The following UBE3D variants were observed in gnomAD, a reference collection of about 807,000 sequenced individuals.
UBE3D encodes ubiquitin protein ligase E3D.
A neutral mutation model predicts 49.6 loss-of-function variants in UBE3D; 48 were observed. The observed-to-expected ratio is 0.97, with a 90% confidence interval of 0.77 to 1.23. The LOEUF is 1.23. Among genes scored for constraint, UBE3D ranks in the 50% most tolerant of loss-of-function variants. UBE3D has a pLI of 0.00. For synonymous variants in UBE3D, 189 were observed against 174.2 expected (o/e 1.08, Z -0.67); for missense variants, 452 against 468.4 (o/e 0.96, Z 0.32).
At chr6:83,048,269 G>T (rs1394923961) in intron 3 of UBE3D, among the ~76,000 whole-genome samples, 1 of 151,892 alleles carries the variant, frequency 6.6e-6, no homozygotes, top group Non-Finnish European at 1.5e-5. Context: ...GTAGGGACTT[G>T]GTACCTCAGG....
chr6:82,973,239 T>C (rs1176102925), intron 8 of UBE3D, among the ~76,000 whole-genome samples: 1 of 152,194 alleles, frequency 6.6e-6, no homozygotes, highest in East Asian at 1.9e-4. Context: ...ATTTGATTTG[T>C]ATGCACCTAG....
At chr6:82,901,781 G>T (rs972698832) in intron 9 of UBE3D, among the ~76,000 whole-genome samples, 2 of 152,176 alleles carry the variant, frequency 1.3e-5, no homozygotes, top group African/African-American at 4.8e-5. Context: ...AAGGGAGAAA[G>T]AAACAAATTA....
intron 9 of UBE3D, among the ~76,000 whole-genome samples, chr6:82,932,983 G>A (rs1036234211): frequency 3.3e-5 from 5 of 152,048 alleles, no homozygotes; most frequent in East Asian, 1.9e-4. Flanking sequence ...AGTATGAGAG[G>A]GGAAAACCTT....
chr6:82,989,232 A>ACC (rs1778720706), intron 8 of UBE3D, among the ~76,000 whole-genome samples: 1 of 151,680 alleles, frequency 6.6e-6, no homozygotes. Context: ...AGCATCATTA[A>ACC]CCCCTGCCTT....
intron 9 of UBE3D, among the ~76,000 whole-genome samples, chr6:82,900,113 T>A (rs52481): frequency 1.4e-4 from 21 of 152,222 alleles, no homozygotes; most frequent in Non-Finnish European, 2.9e-4. Flanking sequence ...ACAGTGGCAC[T>A]GCTGCAGCTT....
chr6:83,046,694 C>A (rs930404873), intron 3 of UBE3D, among the ~76,000 whole-genome samples: 1 of 137,592 alleles, frequency 7.3e-6, no homozygotes, highest in Admixed American at 7.4e-5. Flanking sequence ...GCGGTGGCAC[C>A]GGGGGAGCAG....
Position 83,022,556 on chromosome 6 carries a change from C to T in UBE3D, c.743G>A (p.Trp248Ter), listed in dbSNP as rs548942435. The change falls in exon 7 of 10, where the codon TGG becomes TAG. Residue 248 changes from tryptophan to a stop codon, truncating the protein, a stop_gained. Coordinates refer to ENST00000369747, the MANE Select transcript of UBE3D (RefSeq NM_198920.3). LOFTEE classifies it high-confidence loss of function. ...ERSFPIIPRS[W>*]FVQSVIAQCL... ...CTGGGCGATCACGCTCTGGACAAAC[C>T]AAGACCTGTTTGAACAGAAATCAAT... The T allele has an allele frequency of 5.1e-6, 8 of 1,574,676 alleles. No homozygotes were observed. The highest frequency in any genetic ancestry group is 1.2e-5 in the South Asian group (1 of 84,142).
At chr6:82,881,382 A>G in the UBE3D span, among the ~76,000 whole-genome samples, 2 of 152,158 alleles carry the variant, frequency 1.3e-5, no homozygotes, top group Non-Finnish European at 2.9e-5. Flanking sequence ...AACTAGAATA[A>G]GAGGACAGAG....
chr6:82,998,396 A>G (rs1040413075), intron 8 of UBE3D, among the ~76,000 whole-genome samples: 3 of 152,244 alleles, frequency 2.0e-5, no homozygotes, highest in African/African-American at 7.2e-5. Flanking sequence ...GTTCCTTTAC[A>G]TAATAAATGT....
chr6:82,887,419 G>A (rs1445033104), downstream of UBE3D, among the ~76,000 whole-genome samples: 105 of 57,590 alleles, frequency 1.8e-3, no homozygotes, highest in South Asian at 0.011. Flanking sequence ...TTTTCAGAAA[G>A]AATAGTGGGC....
chr6:82,982,699 C>T, intron 8 of UBE3D, among the ~76,000 whole-genome samples: 1 of 152,074 alleles, frequency 6.6e-6, no homozygotes, highest in Non-Finnish European at 1.5e-5. Flanking sequence ...GAATCACCAC[C>T]CCACCCCATC....
chr6:82,894,928 T>C (rs796109300), intron 9 of UBE3D, among the ~76,000 whole-genome samples: 8 of 151,760 alleles, frequency 5.3e-5, no homozygotes, highest in African/African-American at 1.9e-4. Flanking sequence ...ATTTATCTCT[T>C]TTGTAATTCT....
chr6:83,002,439 C>G (rs976558565), intron 8 of UBE3D, among the ~76,000 whole-genome samples: 6 of 152,168 alleles, frequency 3.9e-5, no homozygotes, highest in South Asian at 2.1e-4. Context: ...AATCCCAGCA[C>G]TTTGGGAGGC....
chr6:83,064,842 T>C (rs1214433352), intron 1 of UBE3D, among the ~76,000 whole-genome samples: 1 of 152,178 alleles, frequency 6.6e-6, no homozygotes, highest in Non-Finnish European at 1.5e-5. Context: ...ACCAGATATC[T>C]GGCAGATTTA....
chr6:82,993,115 CG>C (rs938687468), intron 8 of UBE3D, among the ~76,000 whole-genome samples: 48 of 146,140 alleles, frequency 3.3e-4, no homozygotes, highest in African/African-American at 1.2e-3. Flanking sequence ...GAAACGGGGT[CG>C]GGGGGGAGAG....
downstream of UBE3D, among the ~76,000 whole-genome samples, chr6:82,891,886 GT>G (rs1770986737): frequency 6.6e-6 from 1 of 152,144 alleles, no homozygotes; most frequent in Non-Finnish European, 1.5e-5. Context: ...AATTAGCCAG[GT>G]GTGATGGTGG....
intron 9 of UBE3D, among the ~76,000 whole-genome samples, chr6:82,933,922 T>C (rs1168299212): frequency 1.3e-5 from 2 of 152,162 alleles, no homozygotes; most frequent in Non-Finnish European, 2.9e-5. Flanking sequence ...AGTTAAGGTC[T>C]TTTCATTTCC....
In UBE3D at chr6:82,995,512, A is replaced by ACACACACACACG. The variant is rs1461837837; in HGVS notation, c.1010+23460_1010+23461insCGTGTGTGTGTG. ...CAATCACACACACACACACACACAC[A>ACACACACACACG]CACAGTCACCAACTTAAGTAAGCAA... On this transcript the variant is annotated intron_variant, in intron 8 of 9. Transcript: ENST00000369747. 5.5e-4 allele frequency among the ~76,000 whole-genome samples: 83 copies of ACACACACACACG among 152,106 alleles called. 1 individual carries two copies. Among genetic ancestry groups the ACACACACACACG allele is most frequent in the African/African-American group, 1.7e-3 (71 of 41,472 alleles).
intron 8 of UBE3D, among the ~76,000 whole-genome samples, chr6:82,975,332 T>A (rs562492212): frequency 1.4e-4 from 22 of 152,220 alleles, no homozygotes; most frequent in African/African-American, 4.3e-4. Flanking sequence ...TGATAAGTTT[T>A]AAAAAAATAA....
Sources: gnomAD v4.1 joint callset for allele counts (sites outside exome capture counted in the v4.1 genomes callset) on GRCh38, gnomAD v4.1.1 for gene constraint, MANE v1.5 for transcripts, NCBI Gene and HGNC (gene_info 2026-07-23, HGNC 2026-07-21) for gene names.